The following ACAD9 variants were observed in gnomAD, a reference collection of about 807,000 sequenced individuals.
The protein encoded by ACAD9 is acyl-CoA dehydrogenase family member 9.
A neutral mutation model predicts 70.2 loss-of-function variants in ACAD9; 53 were observed. The ratio of observed to expected loss-of-function variants is 0.75; its 90% confidence interval spans 0.61 to 0.95. The LOEUF (loss-of-function observed/expected upper bound fraction) is 0.95. Ranked by LOEUF, ACAD9 falls within the 40% of genes least tolerant of loss-of-function variation. The probability of loss-of-function intolerance (pLI) is 0.00; values close to 1 mark genes in which losing one functional copy is unlikely to be tolerated. For missense variants in ACAD9, 777 were observed against 802.8 expected, an observed-to-expected ratio of 0.97 and a Z score of 0.39; for synonymous variants, 313 against 312.1, an observed-to-expected ratio of 1.00 and a Z score of -0.03.
At chr3:128,880,448 G>T (rs2107637592) in intron 1 of ACAD9, among the ~76,000 whole-genome samples, 1 of 152,168 alleles carries the variant, frequency 6.6e-6, no homozygotes, top group South Asian at 2.1e-4. Flanking sequence ...TCGCGCTCTT[G>T]TCGCCCAGGC....
At chr3:128,900,254 T>C (rs1935696472) in intron 7 of ACAD9, among the ~76,000 whole-genome samples, 1 of 152,064 alleles carries the variant, frequency 6.6e-6, no homozygotes, top group African/African-American at 2.4e-5. Context: ...TTTGTTTTTT[T>C]TGAGACGGAG....
chr3:128,910,400 G>C (rs915547756), intron 16 of ACAD9: 7 of 1,409,226 alleles, frequency 5.0e-6, no homozygotes, highest in African/African-American at 1.4e-5. Context: ...GCAAGGGACA[G>C]ACCCTGCACA....
intron 9 of ACAD9, 83 bp from the exon 10 acceptor site, chr3:128,903,979 A>C: frequency 1.4e-6 from 2 of 1,418,468 alleles, no homozygotes; most frequent in Non-Finnish European, 2.0e-6. Context: ...ACCTGTGGGA[A>C]GGGTAAGGAT....
chr3:128,906,221 G>GT lies in ACAD9; in HGVS notation c.1251dup (p.Asp418Ter). On this transcript the variant is annotated frameshift_variant, in exon 12 of 18. Coordinates refer to ENST00000308982, the MANE Select transcript of ACAD9 (RefSeq NM_014049.5). LOFTEE classifies it high-confidence loss of function. Reference sequence around the variant, plus strand: ...GACTATCCGTACGAGCGCATACTGCGTGACACCCGCATCCTCCTCATCTTC... The same window carrying GT: ...GACTATCCGTACGAGCGCATACTGCGTTGACACCCGCATCCTCCTCATCTTC... 1 of 1,614,174 alleles carries GT rather than the reference G, an allele frequency of 6.2e-7. No homozygotes were observed. Among genetic ancestry groups the GT allele is most frequent in the Non-Finnish European group, 8.5e-7 (1 of 1,180,052 alleles).
rs63473460 is a variant in ACAD9 at position 128,899,523 on chromosome 3, GGTGTGTGTGTGT to G, written c.808+91_808+102del. On this transcript the variant is annotated intron_variant, in intron 7 of 17. Transcript: ENST00000308982. ...TGTAAGGGGGAGACTGGCCTTTGAC[GGTGTGTGTGTGT>G]GTGTGTGTGTGTGTGTGTGTGTGTG... 56,025 of 1,068,352 alleles carry G rather than the reference GGTGTGTGTGTGT, an allele frequency of 0.052. 609 individuals carry two copies. The highest frequency in any genetic ancestry group is 0.062 in the Non-Finnish European group (46,446 of 753,258). The allele number at this position is 1,068,352 out of a possible 1,614,324, so 66.2% of individuals were successfully genotyped here.
intron 12 of ACAD9, among the ~76,000 whole-genome samples, chr3:128,906,695 C>T (rs904107745): frequency 3.9e-5 from 6 of 152,092 alleles, no homozygotes; most frequent in African/African-American, 1.2e-4. Flanking sequence ...ATAGAGCGCG[C>T]CAGGCCCAGA....
intron 17 of ACAD9, among the ~76,000 whole-genome samples, chr3:128,912,106 T>C (rs934980175): frequency 6.6e-6 from 1 of 152,218 alleles, no homozygotes; most frequent in African/African-American, 2.4e-5. Flanking sequence ...TGGCACTTGC[T>C]GAGAGTGGCA....
chr3:128,892,475 G>C (rs1458668808), intron 2 of ACAD9, among the ~76,000 whole-genome samples: 1 of 152,180 alleles, frequency 6.6e-6, no homozygotes, highest in Non-Finnish European at 1.5e-5. Flanking sequence ...GCATACAAAA[G>C]TGTGCAATTA....
At chr3:128,897,825 T>C in intron 6 of ACAD9, 115 bp downstream of exon 6, 3 of 949,390 alleles carry the variant, frequency 3.2e-6, no homozygotes, top group Non-Finnish European at 5.0e-6. Context: ...CCGACTACCT[T>C]CTTGAGCTGC....
rs1331021960 is a variant in ACAD9 at position 128,884,543 on chromosome 3, G to A, written c.151-110G>A. 2.5e-5 allele frequency: 19 copies of A among 775,202 alleles called. 1 individual carries two copies. In the East Asian group the frequency reaches 3.6e-4, roughly 15 times the overall value. 48.0% of individuals were successfully genotyped at this position (775,202 alleles called of 1,614,324 possible). A position where few individuals can be genotyped will look rare whatever the true frequency, so the allele number is the denominator to read the frequency against. ...CAGTTCCTTCAGTACGTCATGTCCC[G>A]CTGGCCAGGGTGGAGTGGAGCACAT... On this transcript the variant is annotated intron_variant, in intron 1 of 17. Coordinates refer to ENST00000308982, the MANE Select transcript of ACAD9 (RefSeq NM_014049.5).
At chr3:128,908,746 T>C (rs1935992185) in intron 13 of ACAD9, 1 of 624,028 alleles carries the variant, frequency 1.6e-6, no homozygotes, top group East Asian at 2.8e-5. Flanking sequence ...GCTGGGAAGC[T>C]GGCTGTGACT....
chr3:128,899,127 T>A lies in ACAD9; in HGVS notation c.634-160T>A, dbSNP rs181709849. Among the ~76,000 whole-genome samples, 947 of 152,256 alleles carry A rather than the reference T, an allele frequency of 6.2e-3. 6 individuals carry two copies. Among genetic ancestry groups the A allele is most frequent in the Non-Finnish European group, 0.01 (713 of 68,026 alleles). The stretch of plus-strand genomic sequence containing the variant: ...TCTGGGGAAAGTGGGCTGAGCCCTG[T>A]CCTCTATTCACTCATGCTTGGTTGG... On this transcript the variant is annotated intron_variant, in intron 6 of 17. Transcript: ENST00000308982.
Position 128,897,704 on chromosome 3 carries a change from C to T in ACAD9, c.627C>T (p.Gly209=). 1.2e-6 allele frequency: 2 copies of T among 1,613,426 alleles called. No individual in the cohort carries two copies. Among genetic ancestry groups the T allele is most frequent in the South Asian group, 1.1e-5 (1 of 90,896 alleles). The part of the protein sequence containing the change: ...SEDKKHYILN[G]SKVWITNGGL... ...ACAAGAAGCACTACATCCTCAATGG[C>T]TCCAAGGTAGGGTTCCTTCCCCATG... Residue 209 remains glycine, a synonymous_variant, in exon 6 of 18, where the codon GGC becomes GGT. Coordinates refer to ENST00000308982, the MANE Select transcript of ACAD9 (RefSeq NM_014049.5).
At chr3:128,888,852 A>G (rs879174732) in intron 2 of ACAD9, among the ~76,000 whole-genome samples, 4 of 148,284 alleles carry the variant, frequency 2.7e-5, no homozygotes, top group African/African-American at 4.9e-5. Context: ...TTTAGCTCCC[A>G]TAGTCTCTTG....
At chr3:128,901,706 G>C (rs949458638) in intron 8 of ACAD9, among the ~76,000 whole-genome samples, 3 of 152,114 alleles carry the variant, frequency 2.0e-5, no homozygotes, top group African/African-American at 7.2e-5. Flanking sequence ...TTTCTTTTTG[G>C]ACTAAGACTT....
At chr3:128,906,350 T>C (rs1013711716) in intron 12 of ACAD9, 101 bp downstream of exon 12, 107 of 1,559,950 alleles carry the variant, frequency 6.9e-5, no homozygotes, top group Non-Finnish European at 8.6e-5. Flanking sequence ...AGCCCAGGGC[T>C]GGGTCGCATG....
intron 16 of ACAD9, 28 bp from the exon 17 acceptor site, chr3:128,910,713 A>ATATCT (rs1559834358): frequency 6.2e-7 from 1 of 1,613,718 alleles, no homozygotes; most frequent in East Asian, 2.2e-5. Flanking sequence ...GAATTTGGGC[A>ATATCT]TATCTTTTCT....
Position 128,879,729 on chromosome 3 carries a change from C to T in ACAD9, c.38C>T (p.Ala13Val), listed in dbSNP as rs781185581. The change falls in exon 1 of 18, where the codon GCG (alanine) becomes GTG (valine). Residue 13 changes from alanine to valine, a missense_variant. Coordinates refer to ENST00000308982, the MANE Select transcript of ACAD9 (RefSeq NM_014049.5). ...GGGCTCTTCCTGCGCACCACGGCTG[C>T]GGCTCGTGCCTGCCGGGGTCTGGTG... ...GCGLFLRTTA[A>V]ARACRGLVVS... 6 of 1,612,644 alleles carry T rather than the reference C, an allele frequency of 3.7e-6. No individual in the cohort carries two copies. Among genetic ancestry groups the T allele is most frequent in the Non-Finnish European group, 5.1e-6 (6 of 1,179,946 alleles).
chr3:128,888,048 C>T (rs955384764), intron 2 of ACAD9, among the ~76,000 whole-genome samples: 2 of 152,190 alleles, frequency 1.3e-5, no homozygotes, highest in African/African-American at 4.8e-5. Flanking sequence ...AATAAAAGCA[C>T]AAATATTGCT....
Sources: allele counts gnomAD v4.1 joint callset (sites outside exome capture counted in the v4.1 genomes callset), GRCh38; gene constraint gnomAD v4.1.1; transcripts MANE v1.5; gene names NCBI Gene and HGNC (gene_info 2026-07-23, HGNC 2026-07-21).